The following GMEB1 variants were observed in gnomAD, a reference collection of about 807,000 sequenced individuals.
GMEB1 encodes glucocorticoid modulatory element-binding protein 1.
GMEB1 carries 6 observed loss-of-function variants against 52.4 expected under a neutral mutation model. That is an observed-to-expected ratio of 0.11 (90% CI 0.06 to 0.23). The LOEUF is 0.23. Among genes scored for constraint, GMEB1 ranks in the 10% least tolerant of loss-of-function variants. The pLI is 1.00. For synonymous variants in GMEB1, 255 were observed against 244.9 expected (o/e 1.04, Z -0.38); for missense variants, 486 against 685.6 (o/e 0.71, Z 3.25).
Position 28,713,935 on chromosome 1 carries a change from G to A in GMEB1, c.992-138G>A. On this transcript the variant is annotated intron_variant, in intron 9 of 9. Transcript: ENST00000373816. ...GACTCTGCCCCCCAAATAAGCACAA[G>A]AAAGAAAACAATGTCACAACTTGCC... is the stretch of plus-strand genomic sequence containing the variant. 5.9e-6 allele frequency: 4 copies of A among 681,632 alleles called. No individual in the cohort carries two copies. In the Admixed American group the frequency reaches 1.0e-4, roughly 18 times the overall value. The allele number at this position is 681,632 out of a possible 1,614,324, so 42.2% of individuals were successfully genotyped here. A position where few individuals can be genotyped will look rare whatever the true frequency, so the allele number is the denominator to read the frequency against.
intron 2 of GMEB1, among the ~76,000 whole-genome samples, chr1:28,688,273 A>C (rs1235053731): frequency 6.6e-6 from 1 of 152,206 alleles, no homozygotes; most frequent in African/African-American, 2.4e-5. Context: ...ATAAGAGCGA[A>C]ACTCCGTCTC....
rs1671337467 is a variant in GMEB1 at position 28,718,893 on chromosome 1, T to C, written c.*4120T>C. ...AAGGGAGATCTTCCTGGAGAAGGCA[T>C]ATACCTAAGCTGATTTAGGAGAGAC... On this transcript the variant is annotated 3_prime_UTR_variant, in exon 10 of 10. Coordinates refer to ENST00000373816, the MANE Select transcript of GMEB1 (RefSeq NM_001319674.2). 1 of 152,218 alleles carries C rather than the reference T, an allele frequency of 6.6e-6. No individual in the cohort carries two copies. The highest frequency in any genetic ancestry group is 1.5e-5 in the Non-Finnish European group (1 of 68,046). The allele number at this position is 152,218 out of a possible 1,614,324, so 9.4% of individuals were successfully genotyped here. A position where few individuals can be genotyped will look rare whatever the true frequency, so the allele number is the denominator to read the frequency against.
intron 5 of GMEB1, among the ~76,000 whole-genome samples, chr1:28,694,363 G>C (rs111796224): frequency 8.2e-6 from 1 of 122,472 alleles, no homozygotes; most frequent in African/African-American, 2.6e-5. Context: ...GCTAATTTTT[G>C]TATTTTTTTT....
At chr1:28,692,523 T>C in intron 4 of GMEB1, among the ~76,000 whole-genome samples, 1 of 150,714 alleles carries the variant, frequency 6.6e-6, no homozygotes, top group East Asian at 1.9e-4. Context: ...AGAGTGAGAC[T>C]CTGTCTCAAA....
At chr1:28,704,121 G>A (rs2124561654) in intron 7 of GMEB1, 71 bp from the exon 8 acceptor site, 2 of 1,308,580 alleles carry the variant, frequency 1.5e-6, no homozygotes, top group Non-Finnish European at 2.1e-6. Flanking sequence ...TGAATTTAAC[G>A]TTGTAGAGAT....
intron 1 of GMEB1, among the ~76,000 whole-genome samples, chr1:28,669,250 A>G (rs568806955): frequency 9.9e-5 from 15 of 151,840 alleles, no homozygotes; most frequent in Non-Finnish European, 4.4e-5. Context: ...TGAGAGGGCC[A>G]GGCGCCCAGG....
intron 6 of GMEB1, among the ~76,000 whole-genome samples, chr1:28,698,409 C>T (rs1161547255): frequency 6.6e-6 from 1 of 151,606 alleles, no homozygotes; most frequent in African/African-American, 2.4e-5. Context: ...GGCATGGTGG[C>T]TCACGCCTGT....
chr1:28,682,531 A>G (rs868169290), intron 1 of GMEB1, among the ~76,000 whole-genome samples: 3 of 150,860 alleles, frequency 2.0e-5, no homozygotes, highest in African/African-American at 7.3e-5. Flanking sequence ...GTGAGGCAGG[A>G]GAATCGCTTG....
chr1:28,703,686 TAAAAA>T (rs1229655582), intron 7 of GMEB1, among the ~76,000 whole-genome samples: 1 of 151,492 alleles, frequency 6.6e-6, no homozygotes, highest in East Asian at 1.9e-4. Flanking sequence ...AATAAAAAAA[TAAAAA>T]AAGAAAAGAC....
At position 28,690,179 on chromosome 1, in the gene GMEB1, A is replaced by T; in HGVS notation, c.204A>T (p.Glu68Asp). 7.5e-7 allele frequency: 1 copy of T among 1,341,312 alleles called. No individual in the cohort carries two copies. The highest frequency in any genetic ancestry group is 1.0e-6 in the Non-Finnish European group (1 of 953,098). The allele number at this position is 1,341,312 out of a possible 1,614,324, so 83.1% of individuals were successfully genotyped here. A position where few individuals can be genotyped will look rare whatever the true frequency, so the allele number is the denominator to read the frequency against. Residue 68 changes from glutamate (E) to aspartate (D), a missense_variant, in exon 3 of 10, where the codon GAA becomes GAT. By Grantham distance (45) the Glu-to-Asp change is conservative (BLOSUM62 2). Coordinates refer to ENST00000373816, the MANE Select transcript of GMEB1 (RefSeq NM_001319674.2). The stretch of plus-strand genomic sequence containing the variant: ...CTCACACGATACACAAAATTGAAGA[A>T]GGGATTGGTAAGGGTTTTTTTGTGT... ...VETHTIHKIE[E>D]GIDTGTIEAN...
chr1:28,714,518 C>T lies in GMEB1; in HGVS notation c.1437C>T (p.Thr479=). The change falls in exon 10 of 10, where the codon ACC becomes ACT. Residue 479 remains threonine, a synonymous_variant. Coordinates refer to ENST00000373816, the MANE Select transcript of GMEB1 (RefSeq NM_001319674.2). Reference sequence around the variant, plus strand: ...ATGGGAGTACACTGGGCAACATGACCACCATGGTTAGCCCTGTGGAATTGG... The same window carrying T: ...ATGGGAGTACACTGGGCAACATGACTACCATGGTTAGCCCTGTGGAATTGG... ...MQDGSTLGNM[T]TMVSPVELVA... 6.2e-7 allele frequency: 1 copy of T among 1,614,154 alleles called. No homozygotes were observed.
intron 2 of GMEB1, among the ~76,000 whole-genome samples, chr1:28,685,779 T>C (rs564667599): frequency 5.3e-5 from 8 of 151,990 alleles, no homozygotes; most frequent in South Asian, 4.2e-4. Context: ...ACCAACATGG[T>C]GAAACCCTGT....
chr1:28,670,503 T>C (rs989973306), intron 1 of GMEB1, among the ~76,000 whole-genome samples: 1 of 152,166 alleles, frequency 6.6e-6, no homozygotes, highest in Admixed American at 6.6e-5. Flanking sequence ...AATTTTTGTA[T>C]TTTTAATAGA....
rs879350824 is a variant in GMEB1, at chr1:28,698,376, T to TAA, written c.598+1305_598+1306dup. ...CTGGCAATAGAGCAAGACTCCGTCTTAAAAAAAAAAAAAAGAAGCCTGGGC... is the reference window on the plus strand; with the variant it reads ...CTGGCAATAGAGCAAGACTCCGTCTTAAAAAAAAAAAAAAAAGAAGCCTGGGC... On this transcript the variant is annotated intron_variant, in intron 6 of 9. Transcript: ENST00000373816. Among the ~76,000 whole-genome samples the TAA allele has an allele frequency of 5.1e-5, 7 of 137,114 alleles. No homozygotes were observed. The South Asian group carries it at 1.4e-3, about 27-fold the overall frequency. 90.0% of individuals were successfully genotyped at this position (137,114 alleles called of 152,430 possible).
At chr1:28,686,628 C>CAAA (rs67007069) in intron 2 of GMEB1, among the ~76,000 whole-genome samples, 957 of 93,970 alleles carry the variant, frequency 0.01, 29 homozygotes, top group African/African-American at 0.031. Flanking sequence ...GATTCTGTCT[C>CAAA]AAAAAAAAAA....
In GMEB1 at chr1:28,678,966, A is replaced by G. The variant is rs191440858; in HGVS notation, c.-30-4617A>G. On this transcript the variant is annotated intron_variant, in intron 1 of 9. Transcript: ENST00000373816. ...TCGCTCTGTCGCCAGGCTGGAGTGC[A>G]GTGCCGTGATCTTGGCCCACTGTAA... 4.3e-3 allele frequency among the ~76,000 whole-genome samples: 661 copies of G among 152,220 alleles called. 2 individuals are homozygous for G. The highest frequency in any genetic ancestry group is 0.013 in the African/African-American group (547 of 41,544).
chr1:28,672,252 A>C (rs1668924774), intron 1 of GMEB1, among the ~76,000 whole-genome samples: 1 of 142,460 alleles, frequency 7.0e-6, no homozygotes, highest in Non-Finnish European at 1.5e-5. Flanking sequence ...ACGGAGTCTC[A>C]CTCTGTCGCC....
In GMEB1 at chr1:28,717,090, T is replaced by C. The variant is rs1463415808; in HGVS notation, c.*2317T>C. 1 of 151,610 alleles carries C rather than the reference T, an allele frequency of 6.6e-6. No individual in the cohort carries two copies. Among genetic ancestry groups the C allele is most frequent in the Non-Finnish European group, 1.5e-5 (1 of 67,948 alleles). 9.4% of individuals were successfully genotyped at this position (151,610 alleles called of 1,614,324 possible). A position where few individuals can be genotyped will look rare whatever the true frequency, so the allele number is the denominator to read the frequency against. On this transcript the variant is annotated 3_prime_UTR_variant, in exon 10 of 10. Transcript: ENST00000373816. Reference sequence around the variant, plus strand: ...CAGAAGCCATGTTTCTTCCAACAGATGTTGGAAACCCCATCGAGCAAGTAA... The same window carrying C: ...CAGAAGCCATGTTTCTTCCAACAGACGTTGGAAACCCCATCGAGCAAGTAA...
In GMEB1 at chr1:28,670,136, G is replaced by C. The variant is rs141108276; in HGVS notation, c.-31+1297G>C. ...CTTGCCTCTTCTAATAGTTACCAAA[G>C]TGCATTTGGGGACCCTTTTTATTTA... On this transcript the variant is annotated intron_variant, in intron 1 of 9. Coordinates refer to ENST00000373816, the MANE Select transcript of GMEB1 (RefSeq NM_001319674.2). Among the ~76,000 whole-genome samples, 333 of 135,902 alleles carry C rather than the reference G, an allele frequency of 2.5e-3. 1 individual carries two copies. The highest frequency in any genetic ancestry group is 8.2e-3 in the African/African-American group (322 of 39,144). The allele number at this position is 135,902 out of a possible 152,430, so 89.2% of individuals were successfully genotyped here. A position where few individuals can be genotyped will look rare whatever the true frequency, so the allele number is the denominator to read the frequency against.
Sources: gnomAD v4.1 joint callset for allele counts (sites outside exome capture counted in the v4.1 genomes callset) on GRCh38, gnomAD v4.1.1 for gene constraint, MANE v1.5 for transcripts, NCBI Gene and HGNC (gene_info 2026-07-23, HGNC 2026-07-21) for gene names.